Variants in CD96 observed in about 807,000 individuals in gnomAD.
CD96 encodes the protein T-cell surface protein tactile.
Under a neutral mutation model 71.3 loss-of-function variants are expected in CD96, and 70 were observed. The observed-to-expected ratio is 0.98, with a 90% CI of 0.81 to 1.20. The LOEUF (loss-of-function observed/expected upper bound fraction) is 1.20, where lower values mean the gene tolerates loss of function less well. CD96 is among the 50% of genes most tolerant of loss of function. CD96 has a pLI of 0.00. For synonymous variants in CD96, 248 were observed against 233.0 expected (o/e 1.06, Z -0.59); for missense variants, 742 against 677.5 (o/e 1.10, Z -1.06).
intron 5 of CD96, among the ~76,000 whole-genome samples, chr3:111,589,494 A>G (rs1936874451): frequency 1.3e-5 from 2 of 152,236 alleles, no homozygotes; most frequent in Admixed American, 1.3e-4. Context: ...CCAATCACAC[A>G]TAACCAGCTA....
intron 2 of CD96, among the ~76,000 whole-genome samples, chr3:111,562,004 G>A (rs1034732133): frequency 4.6e-5 from 7 of 152,132 alleles, no homozygotes; most frequent in Admixed American, 6.5e-5. Flanking sequence ...TCTTTGACTC[G>A]GAAAGGGAAC....
intron 3 of CD96, among the ~76,000 whole-genome samples, chr3:111,569,607 C>T (rs138209512): frequency 1.9e-3 from 284 of 152,324 alleles, no homozygotes; most frequent in African/African-American, 6.4e-3. Flanking sequence ...ATCTCAAATT[C>T]ATTAACAATG....
chr3:111,563,555 C>T (rs968797515), intron 2 of CD96, among the ~76,000 whole-genome samples: 1 of 152,162 alleles, frequency 6.6e-6, no homozygotes, highest in Non-Finnish European at 1.5e-5. Flanking sequence ...TTAATGACTA[C>T]CTTTAGTCAA....
intron 1 of CD96, among the ~76,000 whole-genome samples, chr3:111,542,825 G>A (rs1469180293): frequency 6.6e-6 from 1 of 152,134 alleles, no homozygotes; most frequent in Non-Finnish European, 1.5e-5. Flanking sequence ...TATGAACCTG[G>A]GAGACAAAGT....
intron 8 of CD96, among the ~76,000 whole-genome samples, chr3:111,616,311 A>G (rs1938234142): frequency 1.3e-5 from 2 of 152,192 alleles, no homozygotes; most frequent in South Asian, 4.1e-4. Flanking sequence ...TTTAAGTATA[A>G]AAAAGAAGAG....
chr3:111,636,482 C>T (rs1470109097), intron 10 of CD96, among the ~76,000 whole-genome samples: 1 of 152,210 alleles, frequency 6.6e-6, no homozygotes, highest in East Asian at 1.9e-4. Context: ...TTACATTGCA[C>T]TGCAGGCCTT....
At position 111,659,580 on chromosome 3, in the gene CD96, T is replaced by C. The variant is rs1224277959; in HGVS notation, c.*53-5947T>C. Reference sequence around the variant, plus strand: ...CCTATTTTCATTAGTTGCAAGGAATTTTTTTATTTTACCCAGTAGTTATTC... The same window carrying C: ...CCTATTTTCATTAGTTGCAAGGAATCTTTTTATTTTACCCAGTAGTTATTC... On this transcript the variant is annotated intron_variant and NMD_transcript_variant, in intron 14 of 14. Transcript: ENST00000494798. 3.9e-5 allele frequency among the ~76,000 whole-genome samples: 6 copies of C among 152,306 alleles called. No homozygotes were observed. The East Asian group carries it at 9.6e-4, about 24-fold the overall frequency.
At position 111,542,286 on chromosome 3, in the gene CD96, T is replaced by C. The variant is rs1443991960; in HGVS notation, c.38T>C (p.Ile13Thr). 2 of 1,613,896 alleles carry C rather than the reference T, an allele frequency of 1.2e-6. No individual in the cohort carries two copies. Among genetic ancestry groups the C allele is most frequent in the Non-Finnish European group, 1.7e-6 (2 of 1,179,794 alleles). ...KKWKYCAVYY[I>T]IQIHFVKGVW... Reference sequence around the variant, plus strand: ...TGGAAATACTGTGCTGTCTATTACATCATCCAGATACATTTTGTCAAGGGT... The same window carrying C: ...TGGAAATACTGTGCTGTCTATTACACCATCCAGATACATTTTGTCAAGGGT... Residue 13 changes from isoleucine to threonine, a missense_variant, in exon 1 of 14, where the codon ATC (isoleucine) becomes ACC (threonine). Coordinates refer to ENST00000352690, the MANE Select transcript of CD96 (RefSeq NM_005816.5).
rs142695705 is a variant in CD96 at position 111,611,856 on chromosome 3, G to T, written c.1180+5064G>T. 5.0e-3 allele frequency among the ~76,000 whole-genome samples: 762 copies of T among 152,234 alleles called. 28 individuals are homozygous for T. Among genetic ancestry groups the T allele is most frequent in the Admixed American group, 0.044 (672 of 15,286 alleles). On this transcript the variant is annotated intron_variant, in intron 8 of 13. Coordinates refer to ENST00000352690, the MANE Select transcript of CD96 (RefSeq NM_005816.5). ...AGAGGGCTAAGGGTTGATTAGGTGGGGTGGAACAAGGTAAAGATGAGCTTC... is the reference window on the plus strand; with the variant it reads ...AGAGGGCTAAGGGTTGATTAGGTGGTGTGGAACAAGGTAAAGATGAGCTTC...
rs560537610 is a variant in CD96, at chr3:111,592,281, T to C, written c.808-5839T>C. Among the ~76,000 whole-genome samples, 10 of 152,326 alleles carry C rather than the reference T, an allele frequency of 6.6e-5. No homozygotes were observed. In the South Asian group the frequency reaches 1.9e-3, roughly 28 times the overall value. ...TACTTTCAGCAGCCCAGGAAATTAC[T>C]CTCTCCCTATAGACTGTTAGGATCT... is the stretch of plus-strand genomic sequence containing the variant. On this transcript the variant is annotated intron_variant, in intron 5 of 13. Transcript: ENST00000352690.
chr3:111,572,134 C>T (rs1015645686), intron 3 of CD96, among the ~76,000 whole-genome samples: 4 of 152,164 alleles, frequency 2.6e-5, no homozygotes, highest in African/African-American at 9.7e-5. Context: ...TCTACCCGCA[C>T]GTACAACAAT....
chr3:111,628,486 T>G (rs1300878695), intron 10 of CD96, among the ~76,000 whole-genome samples: 1 of 151,164 alleles, frequency 6.6e-6, no homozygotes, highest in Non-Finnish European at 1.5e-5. Flanking sequence ...GAAAACAGAG[T>G]GAAAAAAATG....
chr3:111,617,693 C>T (rs1938311975), intron 8 of CD96, among the ~76,000 whole-genome samples: 1 of 152,198 alleles, frequency 6.6e-6, no homozygotes, highest in African/African-American at 2.4e-5. Flanking sequence ...CTCCACCTTG[C>T]TCACCCTCCA....
At chr3:111,549,307 G>A (rs1235922514) in intron 2 of CD96, among the ~76,000 whole-genome samples, 1 of 152,092 alleles carries the variant, frequency 6.6e-6, no homozygotes, top group Non-Finnish European at 1.5e-5. Flanking sequence ...GGGTAGGCAG[G>A]GGAGATTTTA....
intron 4 of CD96, among the ~76,000 whole-genome samples, chr3:111,584,199 A>T (rs1218757897): frequency 6.6e-6 from 1 of 152,238 alleles, no homozygotes; most frequent in African/African-American, 2.4e-5. Context: ...TTGCTAAAAC[A>T]TAACAAGAGT....
chr3:111,629,213 A>G (rs1478496039), intron 10 of CD96, among the ~76,000 whole-genome samples: 2 of 152,348 alleles, frequency 1.3e-5, no homozygotes, highest in Admixed American at 1.3e-4. Flanking sequence ...AAAGACACAG[A>G]ATGGCAAGCT....
At chr3:111,589,014 G>A (rs530835381) in intron 5 of CD96, among the ~76,000 whole-genome samples, 2 of 148,136 alleles carry the variant, frequency 1.4e-5, no homozygotes, top group Admixed American at 6.8e-5. Context: ...CCAGTGCCGC[G>A]ATCTCTGCTC....
At chr3:111,665,082 C>A (rs182225625) in intron 14 of CD96, among the ~76,000 whole-genome samples, 141 of 151,948 alleles carry the variant, frequency 9.3e-4, no homozygotes, top group African/African-American at 2.5e-3. Flanking sequence ...TATAGATATA[C>A]ATGTATATGC....
intron 13 of CD96, among the ~76,000 whole-genome samples, chr3:111,648,891 C>A (rs895896153): frequency 1.2e-4 from 18 of 152,148 alleles, no homozygotes; most frequent in African/African-American, 3.4e-4. Context: ...AGCTAAATTC[C>A]ATACTAACTT....
Sources: gnomAD v4.1 joint callset for allele counts (sites outside exome capture counted in the v4.1 genomes callset) on GRCh38, gnomAD v4.1.1 for gene constraint, MANE v1.5 for transcripts, NCBI Gene and HGNC (gene_info 2026-07-23, HGNC 2026-07-21) for gene names.